Variants in ZNF536 observed in about 807,000 individuals in gnomAD.
ZNF536 encodes zinc finger protein 536.
Under a neutral mutation model 84.5 loss-of-function variants are expected in ZNF536, and 13 were observed. The ratio of observed to expected loss-of-function variants is 0.15; its 90% CI spans 0.10 to 0.24. The LOEUF is 0.24. ZNF536 is among the 10% of genes least tolerant of loss of function. The pLI is 1.00. For missense variants in ZNF536, 1,536 were observed against 1,747.5 expected, an observed-to-expected ratio of 0.88 and a Z score of 2.16; for synonymous variants, 811 against 742.5, an observed-to-expected ratio of 1.09 and a Z score of -1.50.
At chr19:30,382,226 C>T (rs2049049764) in intron 1 of ZNF536, among the ~76,000 whole-genome samples, 1 of 152,132 alleles carries the variant, frequency 6.6e-6, no homozygotes, top group Non-Finnish European at 1.5e-5. Context: ...AGAAAGTTGT[C>T]CGATTTGAAT....
intron 1 of ZNF536, among the ~76,000 whole-genome samples, chr19:30,389,212 T>A (rs1290050913): frequency 6.6e-6 from 1 of 152,190 alleles, no homozygotes; most frequent in African/African-American, 2.4e-5. Context: ...CAAGTAGAGT[T>A]CTGGTTTGCG....
intron 3 of ZNF536, among the ~76,000 whole-genome samples, chr19:30,537,388 G>A (rs544543465): frequency 6.6e-6 from 1 of 152,322 alleles, no homozygotes; most frequent in African/African-American, 2.4e-5. Context: ...CTGCCTGCAG[G>A]AGTGTGGAAA....
intron 1 of ZNF536, among the ~76,000 whole-genome samples, chr19:30,674,960 CA>C (rs1174432488): frequency 6.6e-6 from 1 of 152,094 alleles, no homozygotes; most frequent in Non-Finnish European, 1.5e-5. Flanking sequence ...CCCGCCTTGT[CA>C]AAATCCCTTC....
chr19:30,418,558 T>C lies in ZNF536; in HGVS notation c.-2-25003T>C, dbSNP rs949197064. 5.3e-5 allele frequency among the ~76,000 whole-genome samples: 8 copies of C among 152,324 alleles called. No homozygotes were observed. In the East Asian group the frequency reaches 7.7e-4, roughly 15 times the overall value. ...CTTCCTCATAAGATGTTAAATAGCA[T>C]CTTTACTCACTTCAATTACATTTTT... On this transcript the variant is annotated intron_variant, in intron 1 of 4. Transcript: ENST00000355537.
At chr19:30,453,856 TG>T (rs1420980705) in intron 2 of ZNF536, among the ~76,000 whole-genome samples, 1 of 152,248 alleles carries the variant, frequency 6.6e-6, no homozygotes, top group Non-Finnish European at 1.5e-5. Context: ...TAGCTTCTTG[TG>T]GGACCCATCT....
intron 1 of ZNF536, among the ~76,000 whole-genome samples, chr19:30,253,379 T>C (rs2024723656): frequency 1.3e-5 from 2 of 152,222 alleles, no homozygotes; most frequent in African/African-American, 4.8e-5. Context: ...TAAGGTTTTT[T>C]TTGGCTTACA....
intron 1 of ZNF536, among the ~76,000 whole-genome samples, chr19:30,631,391 G>A (rs1198126582): frequency 6.6e-6 from 1 of 152,200 alleles, no homozygotes; most frequent in Admixed American, 6.5e-5. Context: ...CAGGCCGAGA[G>A]GCTGGCCCAG....
chr19:30,278,775 C>T (rs1411630546), intron 1 of ZNF536, among the ~76,000 whole-genome samples: 3 of 152,154 alleles, frequency 2.0e-5, no homozygotes, highest in Admixed American at 6.5e-5. Flanking sequence ...ACCAGATCCT[C>T]GCTTACTTAC....
chr19:30,428,356 A>G (rs1022690379), intron 1 of ZNF536, among the ~76,000 whole-genome samples: 2 of 152,226 alleles, frequency 1.3e-5, no homozygotes, highest in Non-Finnish European at 2.9e-5. Flanking sequence ...CTTCCCAGGT[A>G]CATTAGCATT....
At chr19:30,488,297 G>A (rs926729596) in intron 2 of ZNF536, among the ~76,000 whole-genome samples, 4 of 152,028 alleles carry the variant, frequency 2.6e-5, no homozygotes, top group Non-Finnish European at 4.4e-5. Flanking sequence ...AATGTCAGTG[G>A]CCCTCTAAGG....
At chr19:30,465,278 T>A (rs1163664944) in intron 2 of ZNF536, among the ~76,000 whole-genome samples, 1 of 152,130 alleles carries the variant, frequency 6.6e-6, no homozygotes, top group African/African-American at 2.4e-5. Context: ...ACTGGCTTCA[T>A]CTCACCTTCA....
chr19:30,435,407 T>C (rs1374809509), intron 1 of ZNF536, among the ~76,000 whole-genome samples: 1 of 150,686 alleles, frequency 6.6e-6, no homozygotes, highest in Non-Finnish European at 1.5e-5. Flanking sequence ...ATGCTGTTGA[T>C]GGTGATGATG....
At chr19:30,585,194 G>C (rs1055378709) in intron 1 of ZNF536, among the ~76,000 whole-genome samples, 2 of 152,166 alleles carry the variant, frequency 1.3e-5, no homozygotes, top group African/African-American at 2.4e-5. Flanking sequence ...AATAGGCTAA[G>C]TTGATTCATT....
chr19:30,627,026 G>A (rs2048705803), intron 1 of ZNF536, among the ~76,000 whole-genome samples: 1 of 152,174 alleles, frequency 6.6e-6, no homozygotes, highest in Non-Finnish European at 1.5e-5. Flanking sequence ...ACTGGGCTCT[G>A]GAGGGTGGGG....
rs916926949 is a variant in ZNF536 at position 30,445,539 on chromosome 19, C to T, written c.1977C>T (p.Gly659=). The T allele has an allele frequency of 6.2e-6, 10 of 1,613,538 alleles. No homozygotes were observed. Among genetic ancestry groups the T allele is most frequent in the East Asian group, 4.5e-5 (2 of 44,860 alleles). The stretch of plus-strand genomic sequence containing the variant: ...GTGTCCACAAGCGGGACCGCAAGGG[C>T]GAGGAGGATGGGCTGCACGTGGGCC... The part of the protein sequence containing the change: ...HSRVHKRDRK[G]EEDGLHVGLD... Residue 659 remains glycine (G), a synonymous_variant, in exon 2 of 5, where the codon GGC becomes GGT. Coordinates refer to ENST00000355537, the MANE Select transcript of ZNF536 (RefSeq NM_014717.3). The surrounding 1 kb of genome is among the most constrained non-coding windows in gnomAD (Gnocchi z 4.5).
intron 1 of ZNF536, among the ~76,000 whole-genome samples, chr19:30,395,477 G>T (rs919399270): frequency 6.6e-6 from 1 of 152,208 alleles, no homozygotes; most frequent in Non-Finnish European, 1.5e-5. Context: ...TGTGCCTCCT[G>T]CAGGAAGATG....
chr19:30,542,598 T>C (rs1386325587), intron 3 of ZNF536, among the ~76,000 whole-genome samples: 1 of 152,124 alleles, frequency 6.6e-6, no homozygotes, highest in Non-Finnish European at 1.5e-5. Context: ...CTCCTTAAAA[T>C]ATAGTGAGAG....
intron 1 of ZNF536, among the ~76,000 whole-genome samples, chr19:30,641,867 G>A (rs2049278222): frequency 2.0e-5 from 3 of 152,190 alleles, no homozygotes. Flanking sequence ...AGTAGAGTGG[G>A]GCAAGTCCTT....
rs1470119660 is a variant in ZNF536 at position 30,547,984 on chromosome 19, A to C, written c.2365A>C (p.Thr789Pro). ...GTGTCCGCACTGTGACTATGCCGGC[A>C]CGCAGTCAGCATCCTTAAAATACCA... Reference protein sequence around the residue: ...YKCPHCDYAGTQSASLKYHLE... With the variant: ...YKCPHCDYAGPQSASLKYHLE... Residue 789 changes from threonine (T) to proline (P), a missense_variant, in exon 4 of 5, where the codon ACG becomes CCG. Thr to Pro is a conservative substitution (Grantham distance 38). Around this residue, in one of 8 missense-constraint regions of ZNF536, gnomAD observed 148 missense variants for 205.4 expected, o/e 0.72. Transcript: ENST00000355537. 1 of 1,596,318 alleles carries C rather than the reference A, an allele frequency of 6.3e-7. No individual in the cohort carries two copies.
Sources: allele counts gnomAD v4.1 joint callset (sites outside exome capture counted in the v4.1 genomes callset), GRCh38; gene constraint gnomAD v4.1.1; regional missense constraint gnomAD v4.1.1; non-coding constraint Gnocchi (gnomAD v3.1); transcripts MANE v1.5; gene names NCBI Gene and HGNC (gene_info 2026-07-23, HGNC 2026-07-21).